The following OSBPL6 variants were observed in gnomAD, a reference collection of about 807,000 sequenced individuals.
OSBPL6 encodes oxysterol binding protein like 6, also known as oxysterol-binding protein-related protein 6.
OSBPL6 carries 49 observed loss-of-function variants against 125.8 expected under a neutral mutation model. The ratio of observed to expected loss-of-function variants is 0.39; its 90% CI spans 0.31 to 0.49. The LOEUF is 0.49. OSBPL6 is among the 20% of genes least tolerant of loss of function. The pLI is 0.88. For synonymous variants in OSBPL6, 394 were observed against 391.8 expected (o/e 1.01, Z -0.07); for missense variants, 986 against 1,135.4 (o/e 0.87, Z 1.89).
At chr2:178,255,353 G>A (rs760106818) in intron 1 of OSBPL6, among the ~76,000 whole-genome samples, 8 of 152,186 alleles carry the variant, frequency 5.3e-5, no homozygotes, top group Non-Finnish European at 1.0e-4. Context: ...CAGAGCGTGT[G>A]CAGGGGAACT....
At chr2:178,363,577 A>G (rs939469838) in intron 13 of OSBPL6, among the ~76,000 whole-genome samples, 6 of 152,182 alleles carry the variant, frequency 3.9e-5, no homozygotes, top group South Asian at 2.1e-4. Flanking sequence ...GAGCAGAGCC[A>G]CAGATCAGGC....
chr2:178,218,683 G>A (rs2090197263), intron 1 of OSBPL6, among the ~76,000 whole-genome samples: 1 of 150,524 alleles, frequency 6.6e-6, no homozygotes, highest in African/African-American at 2.5e-5. Flanking sequence ...AGGCTGGAGG[G>A]CAATGGCACG....
At chr2:178,273,617 C>T (rs1225580480) in intron 1 of OSBPL6, among the ~76,000 whole-genome samples, 1 of 152,028 alleles carries the variant, frequency 6.6e-6, no homozygotes. Context: ...AGTATTTTAA[C>T]CTAAGGTCTG....
intron 1 of OSBPL6, among the ~76,000 whole-genome samples, chr2:178,254,035 G>C (rs937058261): frequency 1.3e-5 from 2 of 152,174 alleles, no homozygotes; most frequent in African/African-American, 2.4e-5. Flanking sequence ...GTCCCCACCA[G>C]CAAGAAGGCC....
At chr2:178,344,762 G>A (rs578049795) in intron 11 of OSBPL6, among the ~76,000 whole-genome samples, 10 of 151,884 alleles carry the variant, frequency 6.6e-5, no homozygotes, top group South Asian at 4.2e-4. Flanking sequence ...CATAAATTGT[G>A]CTTTTTTTTG....
At chr2:178,284,137 G>A (rs1285424434) in intron 1 of OSBPL6, among the ~76,000 whole-genome samples, 1 of 152,132 alleles carries the variant, frequency 6.6e-6, no homozygotes, top group Non-Finnish European at 1.5e-5. Flanking sequence ...GATTGTTCTA[G>A]GAGTTTGGCT....
At chr2:178,373,133 C>T (rs1488490967) in intron 14 of OSBPL6, among the ~76,000 whole-genome samples, 1 of 152,172 alleles carries the variant, frequency 6.6e-6, no homozygotes, top group Non-Finnish European at 1.5e-5. Flanking sequence ...GACAACTTGT[C>T]TTTGACTTAA....
At chr2:178,206,128 T>C (rs1574477872) in intron 1 of OSBPL6, among the ~76,000 whole-genome samples, 1 of 152,332 alleles carries the variant, frequency 6.6e-6, no homozygotes, top group East Asian at 1.9e-4. Context: ...TTTCTCTTAT[T>C]GGCTGTTTTG....
intron 1 of OSBPL6, among the ~76,000 whole-genome samples, chr2:178,249,411 C>T (rs1055445260): frequency 9.2e-5 from 14 of 152,050 alleles, no homozygotes; most frequent in Admixed American, 2.6e-4. Context: ...TTACCTAATC[C>T]GTCTCCTATT....
At chr2:178,229,068 A>C (rs2090700064) in intron 1 of OSBPL6, among the ~76,000 whole-genome samples, 1 of 152,224 alleles carries the variant, frequency 6.6e-6, no homozygotes, top group East Asian at 1.9e-4. Flanking sequence ...CATGGCAGAA[A>C]AGTGGAAGGT....
At position 178,226,432 on chromosome 2, in the gene OSBPL6, G is replaced by C. The variant is rs540696659; in HGVS notation, c.-351+31758G>C. Reference sequence around the variant, plus strand: ...AGAAGGGCAGAGAAGGCTAGACAATGGGTCTGGGGTGGGAAGAGGCAAATG... The same window carrying C: ...AGAAGGGCAGAGAAGGCTAGACAATCGGTCTGGGGTGGGAAGAGGCAAATG... On this transcript the variant is annotated intron_variant, in intron 1 of 24. Transcript: ENST00000190611. Among the ~76,000 whole-genome samples, 7 of 152,348 alleles carry C rather than the reference G, an allele frequency of 4.6e-5. No individual in the cohort carries two copies. The South Asian group carries it at 1.4e-3, about 32-fold the overall frequency.
At chr2:178,386,635 T>G (rs1694955975) in intron 19 of OSBPL6, among the ~76,000 whole-genome samples, 1 of 152,078 alleles carries the variant, frequency 6.6e-6, no homozygotes, top group African/African-American at 2.4e-5. Flanking sequence ...TACCACTTAG[T>G]TAAAACTTAT....
chr2:178,317,184 T>G (rs1325510125), intron 3 of OSBPL6, among the ~76,000 whole-genome samples: 1 of 151,680 alleles, frequency 6.6e-6, no homozygotes. Flanking sequence ...ATGATAAAAT[T>G]GTCAGCAAAT....
At chr2:178,343,593 T>G (rs1288291640) in intron 11 of OSBPL6, among the ~76,000 whole-genome samples, 1 of 152,156 alleles carries the variant, frequency 6.6e-6, no homozygotes, top group Non-Finnish European at 1.5e-5. Flanking sequence ...GCTTTCAGGT[T>G]TTCATAGTTG....
At chr2:178,208,667 A>C (rs1229366614) in intron 1 of OSBPL6, among the ~76,000 whole-genome samples, 39 of 32,470 alleles carry the variant, frequency 1.2e-3, no homozygotes, top group South Asian at 6.2e-3. Context: ...CTTCCCTCCC[A>C]TCCCCTCCTC....
At chr2:178,357,566 T>C (rs994811354) in intron 12 of OSBPL6, among the ~76,000 whole-genome samples, 8 of 152,134 alleles carry the variant, frequency 5.3e-5, no homozygotes, top group Non-Finnish European at 1.0e-4. Context: ...ATGGCCATCA[T>C]TATAAAGTCA....
intron 2 of OSBPL6, among the ~76,000 whole-genome samples, chr2:178,291,162 T>C (rs1279169136): frequency 2.6e-5 from 4 of 152,100 alleles, no homozygotes; most frequent in Non-Finnish European, 5.9e-5. Flanking sequence ...AAAATTTCTG[T>C]ATGAAGACAG....
intron 23 of OSBPL6, among the ~76,000 whole-genome samples, chr2:178,393,089 A>G (rs1052240127): frequency 1.3e-5 from 2 of 152,196 alleles, no homozygotes; most frequent in African/African-American, 4.8e-5. Flanking sequence ...ATTTTTTAAC[A>G]AAGTTTCTCC....
intron 1 of OSBPL6, among the ~76,000 whole-genome samples, chr2:178,273,439 G>A (rs373975479): frequency 1.1e-4 from 17 of 151,964 alleles, no homozygotes; most frequent in East Asian, 5.8e-4. Context: ...AAATAGCCAG[G>A]CATGGTGGTG....
Sources: gnomAD v4.1 joint callset for allele counts (sites outside exome capture counted in the v4.1 genomes callset) on GRCh38, gnomAD v4.1.1 for gene constraint, MANE v1.5 for transcripts, NCBI Gene and HGNC (gene_info 2026-07-23, HGNC 2026-07-21) for gene names.